Variants in CTNNA2 observed in about 807,000 individuals in gnomAD.
The protein encoded by CTNNA2 is catenin alpha 2.
In CTNNA2, 42 loss-of-function variants were observed where a neutral mutation model predicts 101.0. That is an observed-to-expected ratio of 0.42 (90% confidence interval 0.32 to 0.54). The LOEUF is 0.54. Among genes scored for constraint, CTNNA2 ranks in the 20% least tolerant of loss-of-function variants. The pLI is 0.14. For missense variants in CTNNA2, 871 were observed against 1,223.1 expected (o/e 0.71, Z 4.29); for synonymous variants, 450 against 456.4 (o/e 0.99, Z 0.18).
intron 1 of CTNNA2, among the ~76,000 whole-genome samples, chr2:79,186,836 G>A (rs891107631): frequency 2.6e-5 from 4 of 152,174 alleles, no homozygotes; most frequent in Admixed American, 6.5e-5. Context: ...TCCCAGGGAA[G>A]GGTTTTCATT....
At chr2:79,367,536 T>A (rs1208216873) in intron 3 of CTNNA2, among the ~76,000 whole-genome samples, 1 of 151,896 alleles carries the variant, frequency 6.6e-6, no homozygotes, top group Non-Finnish European at 1.5e-5. Flanking sequence ...AGAAAGCTAA[T>A]GGGGGAGGGA....
chr2:79,651,769 TCCGATTACTGAA>T, intron 2 of CTNNA2, 111 bp downstream of exon 2: 4 of 863,192 alleles, frequency 4.6e-6, no homozygotes, highest in South Asian at 1.6e-5. Flanking sequence ...ATGCCATGAT[TCCGATTACTGAA>T]TATATATTAC....
intron 8 of CTNNA2, among the ~76,000 whole-genome samples, chr2:80,399,151 C>T (rs1678325338): frequency 6.6e-6 from 1 of 150,832 alleles, no homozygotes; most frequent in South Asian, 2.1e-4. Flanking sequence ...ACCTCAATAC[C>T]GTGAAAGGTC....
intron 1 of CTNNA2, among the ~76,000 whole-genome samples, chr2:79,517,707 G>T (rs1440247015): frequency 6.6e-6 from 1 of 152,008 alleles, no homozygotes; most frequent in Admixed American, 6.6e-5. Context: ...TTCTAACTCA[G>T]CCATAAATTT....
chr2:79,221,012 A>T (rs1674337835), intron 2 of CTNNA2, among the ~76,000 whole-genome samples: 2 of 152,212 alleles, frequency 1.3e-5, no homozygotes, highest in Non-Finnish European at 2.9e-5. Flanking sequence ...GACTTTGTTA[A>T]CTCAGCAGTG....
At chr2:79,317,202 C>T (rs1676517711) in intron 3 of CTNNA2, among the ~76,000 whole-genome samples, 1 of 151,962 alleles carries the variant, frequency 6.6e-6, no homozygotes, top group Admixed American at 6.6e-5. Context: ...TGATGTGGTG[C>T]ATTCCATAAA....
chr2:80,049,290 G>A (rs1307048971), intron 7 of CTNNA2, among the ~76,000 whole-genome samples: 1 of 152,040 alleles, frequency 6.6e-6, no homozygotes, highest in East Asian at 1.9e-4. Flanking sequence ...TTGGCTCTGC[G>A]ACCCTGAAGT....
chr2:79,933,744 C>T (rs759903109), intron 7 of CTNNA2, among the ~76,000 whole-genome samples: 1 of 152,160 alleles, frequency 6.6e-6, no homozygotes, highest in Non-Finnish European at 1.5e-5. Flanking sequence ...CATGAGCCAT[C>T]GCACCCAGCC....
At chr2:80,496,972 T>C (rs1687524138) in intron 9 of CTNNA2, among the ~76,000 whole-genome samples, 1 of 152,208 alleles carries the variant, frequency 6.6e-6, no homozygotes, top group Admixed American at 6.5e-5. Flanking sequence ...AAGCAATATG[T>C]GACTCAGGAG....
chr2:79,442,156 TTAATG>T (rs1678784720), intron 4 of CTNNA2, among the ~76,000 whole-genome samples: 1 of 152,226 alleles, frequency 6.6e-6, no homozygotes, highest in Non-Finnish European at 1.5e-5. Context: ...AGGAAATTTC[TTAATG>T]TATTTTATTA....
At chr2:79,960,003 G>A (rs1689518743) in intron 7 of CTNNA2, among the ~76,000 whole-genome samples, 1 of 152,166 alleles carries the variant, frequency 6.6e-6, no homozygotes, top group Admixed American at 6.5e-5. Context: ...TCTGAGTTTG[G>A]AATTCAAGTC....
At chr2:80,549,637 C>G (rs140003687) in intron 11 of CTNNA2, among the ~76,000 whole-genome samples, 148 of 152,196 alleles carry the variant, frequency 9.7e-4, no homozygotes, top group Middle Eastern at 6.8e-3. Context: ...CTCTAGGATA[C>G]TTTTGCCTTT....
chr2:79,584,893 T>A (rs1020815176), intron 1 of CTNNA2, among the ~76,000 whole-genome samples: 1 of 152,208 alleles, frequency 6.6e-6, no homozygotes, highest in Non-Finnish European at 1.5e-5. Context: ...CACATAGACA[T>A]CCGGAACAAT....
At chr2:80,276,686 G>C (rs1673934778) in intron 7 of CTNNA2, among the ~76,000 whole-genome samples, 1 of 151,800 alleles carries the variant, frequency 6.6e-6, no homozygotes. Context: ...AAGAAGAAGA[G>C]GAGGAGGAGG....
intron 18 of CTNNA2, among the ~76,000 whole-genome samples, chr2:80,625,569 TTCTC>T (rs974362512): frequency 1.3e-5 from 2 of 152,050 alleles, no homozygotes; most frequent in African/African-American, 4.8e-5. Flanking sequence ...GTCATTATAT[TTCTC>T]TCAACTAGTC....
At chr2:79,477,090 G>A (rs2104552645) in intron 4 of CTNNA2, among the ~76,000 whole-genome samples, 1 of 151,556 alleles carries the variant, frequency 6.6e-6, no homozygotes, top group African/African-American at 2.4e-5. Context: ...TCATCTCCTT[G>A]ACAGAGTTTT....
chr2:80,640,421 C>A (rs1673339146), intron 18 of CTNNA2, among the ~76,000 whole-genome samples: 1 of 152,142 alleles, frequency 6.6e-6, no homozygotes, highest in African/African-American at 2.4e-5. Context: ...TGAGAGCTTG[C>A]TATCAAGGAA....
intron 7 of CTNNA2, among the ~76,000 whole-genome samples, chr2:80,387,668 A>G (rs1677141272): frequency 6.6e-6 from 1 of 152,238 alleles, no homozygotes; most frequent in Non-Finnish European, 1.5e-5. Flanking sequence ...TCAAGGTAGT[A>G]TCTGATCCTT....
intron 2 of CTNNA2, among the ~76,000 whole-genome samples, chr2:79,698,182 AT>A: frequency 6.6e-6 from 1 of 152,058 alleles, no homozygotes; most frequent in East Asian, 1.9e-4. Context: ...AGTTTGGATA[AT>A]TCTGAGTTAT....
Sources: gnomAD v4.1 joint callset for allele counts (sites outside exome capture counted in the v4.1 genomes callset) on GRCh38, gnomAD v4.1.1 for gene constraint, MANE v1.5 for transcripts, NCBI Gene and HGNC (gene_info 2026-07-23, HGNC 2026-07-21) for gene names.